The following SPTBN1 variants were observed in gnomAD, a reference collection of about 807,000 sequenced individuals.
The protein encoded by SPTBN1 is spectrin beta, non-erythrocytic 1.
Under a neutral mutation model 266.4 loss-of-function variants are expected in SPTBN1, and 32 were observed. That is an observed-to-expected ratio of 0.12 (90% confidence interval 0.09 to 0.16). The LOEUF is 0.16. SPTBN1 is among the 10% of genes least tolerant of loss of function. The pLI, the probability that SPTBN1 is intolerant of heterozygous loss-of-function variation, is 1.00. For missense variants in SPTBN1, 2,296 were observed against 3,067.1 expected, an observed-to-expected ratio of 0.75 and a Z score of 5.94; for synonymous variants, 1,336 against 1,162.2, an observed-to-expected ratio of 1.15 and a Z score of -3.04.
At chr2:54,593,412 C>CT (rs1321205914) in intron 2 of SPTBN1, among the ~76,000 whole-genome samples, 1 of 152,036 alleles carries the variant, frequency 6.6e-6, no homozygotes, top group African/African-American at 2.4e-5. Flanking sequence ...TCTTTTTGTC[C>CT]TTTTTTCACT....
intron 28 of SPTBN1, among the ~76,000 whole-genome samples, chr2:54,655,492 A>G (rs187856775): frequency 2.2e-4 from 33 of 152,340 alleles, no homozygotes; most frequent in African/African-American, 7.5e-4. Context: ...TCCATTGACT[A>G]TGCCCTAGAT....
Position 54,645,810 on chromosome 2 carries a change from G to T in SPTBN1, c.4495-118G>T. 9.1e-7 allele frequency: 1 copy of T among 1,104,502 alleles called. No individual in the cohort carries two copies. The highest frequency in any genetic ancestry group is 1.4e-5 in the South Asian group (1 of 71,498). 68.4% of individuals were successfully genotyped at this position (1,104,502 alleles called of 1,614,324 possible). A position where few individuals can be genotyped will look rare whatever the true frequency, so the allele number is the denominator to read the frequency against. ...TGCTTCCCCAGACAGCCCTCCCGAG[G>T]GGGCTGAGCACTCTCTGAAGCTCAC... On this transcript the variant is annotated intron_variant, in intron 21 of 35. Coordinates refer to ENST00000356805, the MANE Select transcript of SPTBN1 (RefSeq NM_003128.3). The surrounding 1 kb of genome is among the most constrained non-coding windows in gnomAD (Gnocchi z 4.3).
chr2:54,577,222 G>T (rs1281330712), intron 2 of SPTBN1, among the ~76,000 whole-genome samples: 1 of 152,186 alleles, frequency 6.6e-6, no homozygotes, highest in Non-Finnish European at 1.5e-5. Flanking sequence ...TTGCATTTCA[G>T]TTCTCTAACC....
At chr2:54,476,942 A>G (rs1667862484) in intron 1 of SPTBN1, among the ~76,000 whole-genome samples, 1 of 152,186 alleles carries the variant, frequency 6.6e-6, no homozygotes, top group Admixed American at 6.5e-5. Context: ...AGAAAGGTAA[A>G]TAAACTTTGA....
At chr2:54,519,129 T>C (rs1017872539) in intron 1 of SPTBN1, among the ~76,000 whole-genome samples, 8 of 152,176 alleles carry the variant, frequency 5.3e-5, no homozygotes, top group Non-Finnish European at 1.0e-4. Flanking sequence ...GCAGCTCCAA[T>C]TGACTTTGCC....
chr2:54,607,400 A>G (rs1447113592), intron 3 of SPTBN1, among the ~76,000 whole-genome samples: 4 of 152,188 alleles, frequency 2.6e-5, no homozygotes, highest in Non-Finnish European at 4.4e-5. Context: ...AGGTGGATGG[A>G]TCATTTGAGA....
At chr2:54,498,184 G>T (rs1669067546) in intron 1 of SPTBN1, among the ~76,000 whole-genome samples, 1 of 152,226 alleles carries the variant, frequency 6.6e-6, no homozygotes, top group Admixed American at 6.5e-5. Context: ...CAGCAAGAGA[G>T]TAGCAGCTAA....
intron 1 of SPTBN1, among the ~76,000 whole-genome samples, chr2:54,502,101 C>A (rs962777102): frequency 1.3e-5 from 2 of 152,166 alleles, no homozygotes; most frequent in Non-Finnish European, 2.9e-5. Context: ...GGATGTCAGT[C>A]AAATAATTCA....
chr2:54,467,798 T>C (rs1479434438), intron 1 of SPTBN1, among the ~76,000 whole-genome samples: 1 of 152,154 alleles, frequency 6.6e-6, no homozygotes, highest in Non-Finnish European at 1.5e-5. Flanking sequence ...ACACATAGTA[T>C]ATGTGGTTTT....
rs140304998 is a variant in SPTBN1 at position 54,579,238 on chromosome 2, G to A, written c.149-19854G>A. ...CTTAGCTCATAGAAGGAGCTTTGAC[G>A]GCACATAGAATGAAGTATAACAGCT... is the stretch of plus-strand genomic sequence containing the variant. On this transcript the variant is annotated intron_variant, in intron 2 of 35. Transcript: ENST00000356805. Among the ~76,000 whole-genome samples the A allele has an allele frequency of 1.3e-3, 198 of 152,168 alleles. 4 individuals carry two copies. In the South Asian group the frequency reaches 0.036, roughly 28 times the overall value.
At position 54,560,907 on chromosome 2, in the gene SPTBN1, A is replaced by G. The variant is rs111620841; in HGVS notation, c.148+34341A>G. On this transcript the variant is annotated intron_variant, in intron 2 of 35. Coordinates refer to ENST00000356805, the MANE Select transcript of SPTBN1 (RefSeq NM_003128.3). The stretch of plus-strand genomic sequence containing the variant: ...ATTGCATTTTAAACAATCCTAGGAG[A>G]ATTTTGATTAAACACACACACACAA... Among the ~76,000 whole-genome samples the G allele has an allele frequency of 1.2e-3, 188 of 152,282 alleles. 2 individuals are homozygous for G. The highest frequency in any genetic ancestry group is 3.9e-3 in the African/African-American group (162 of 41,546).
intron 1 of SPTBN1, among the ~76,000 whole-genome samples, chr2:54,468,288 C>G (rs1222232292): frequency 1.3e-5 from 2 of 150,676 alleles, no homozygotes; most frequent in Non-Finnish European, 2.9e-5. Context: ...GCCTGGGTGA[C>G]AGAGTGAGAC....
Position 54,645,819 on chromosome 2 carries a change from C to T in SPTBN1, c.4495-109C>T. On this transcript the variant is annotated intron_variant, in intron 21 of 35. Coordinates refer to ENST00000356805, the MANE Select transcript of SPTBN1 (RefSeq NM_003128.3). This position sits in a 1 kb window ranked among gnomAD's most constrained non-coding sequence, Gnocchi z 4.3. ...AGACAGCCCTCCCGAGGGGGCTGAG[C>T]ACTCTCTGAAGCTCACCCTTGCTGT... 8.3e-7 allele frequency: 1 copy of T among 1,211,346 alleles called. No individual in the cohort carries two copies. Among genetic ancestry groups the T allele is most frequent in the Non-Finnish European group, 1.2e-6 (1 of 840,354 alleles). 75.0% of individuals were successfully genotyped at this position (1,211,346 alleles called of 1,614,324 possible).
chr2:54,543,157 C>G (rs1015760942), intron 2 of SPTBN1, among the ~76,000 whole-genome samples: 1 of 152,124 alleles, frequency 6.6e-6, no homozygotes, highest in African/African-American at 2.4e-5. Flanking sequence ...CCTGGAGTCC[C>G]ACATGAGGTC....
rs1011356743 is a variant in SPTBN1, at chr2:54,517,291, A to G, written c.-47-9081A>G. ...CAGAAGGTTTGAAATAAGGGGATAG[A>G]AAAATACATACCAGGCAAATATTAC... On this transcript the variant is annotated intron_variant, in intron 1 of 35. Transcript: ENST00000356805. 2.4e-4 allele frequency among the ~76,000 whole-genome samples: 37 copies of G among 152,172 alleles called. 1 individual carries two copies. The highest frequency in any genetic ancestry group is 8.9e-4 in the African/African-American group (37 of 41,408).
chr2:54,493,927 G>A (rs551629120), intron 1 of SPTBN1, among the ~76,000 whole-genome samples: 2 of 152,188 alleles, frequency 1.3e-5, no homozygotes, highest in Admixed American at 6.5e-5. Context: ...CCAAAGTCAC[G>A]TGAGTGGGTT....
intron 1 of SPTBN1, 56 bp downstream of exon 1, chr2:54,456,574 T>C (rs4305309): frequency 0.74 from 111,908 of 151,556 alleles, 41,974 homozygotes; most frequent in East Asian, 0.88. Flanking sequence ...GCCTCCCGGG[T>C]GGGCTCCGCG....
rs1465852464 is a variant in SPTBN1, at chr2:54,667,641, G to A, written c.6871G>A (p.Asp2291Asn). 1 of 1,613,664 alleles carries A rather than the reference G, an allele frequency of 6.2e-7. No homozygotes were observed. Among genetic ancestry groups the A allele is most frequent in the Non-Finnish European group, 8.5e-7 (1 of 1,179,700 alleles). The change falls in exon 35 of 36, where the codon GAC becomes AAC. Residue 2291 changes from aspartate (D) to asparagine (N), a missense_variant. Physicochemically the swap from Asp to Asn is conservative, Grantham distance 23. Coordinates refer to ENST00000356805, the MANE Select transcript of SPTBN1 (RefSeq NM_003128.3). Reference sequence around the variant, plus strand: ...CAATGAGTACCTCTTCCAAGCCAAAGACGATGTAAGTTTCTAAATGTTATT... The same window carrying A: ...CAATGAGTACCTCTTCCAAGCCAAAAACGATGTAAGTTTCTAAATGTTATT... ...DGNEYLFQAK[D>N]DEEMNTWIQA...
intron 1 of SPTBN1, among the ~76,000 whole-genome samples, chr2:54,525,331 C>A (rs1418881983): frequency 6.6e-6 from 1 of 151,988 alleles, no homozygotes; most frequent in Admixed American, 6.5e-5. Flanking sequence ...CCAAAACCTC[C>A]GGCTCCTCGG....
Sources: gnomAD v4.1 joint callset for allele counts (sites outside exome capture counted in the v4.1 genomes callset) on GRCh38, gnomAD v4.1.1 for gene constraint, Gnocchi (gnomAD v3.1) non-coding constraint, MANE v1.5 for transcripts, NCBI Gene and HGNC (gene_info 2026-07-23, HGNC 2026-07-21) for gene names.